The following CSMD1 variants were observed in gnomAD, a reference collection of about 807,000 sequenced individuals.
The protein encoded by CSMD1 is CUB and sushi domain-containing protein 1.
A neutral mutation model predicts 417.5 loss-of-function variants in CSMD1; 213 were observed. The ratio of observed to expected loss-of-function variants is 0.51; its 90% CI spans 0.46 to 0.57. The LOEUF (loss-of-function observed/expected upper bound fraction) is 0.57, where lower values mean the gene tolerates loss of function less well. CSMD1 is among the 20% of genes least tolerant of loss of function. The probability of loss-of-function intolerance (pLI) is 0.00; values close to 1 mark genes in which losing one functional copy is unlikely to be tolerated. For missense variants in CSMD1, 6,923 were observed against 4,529.7 expected (o/e 1.53, Z -15.17); for synonymous variants, 2,862 against 1,736.8 (o/e 1.65, Z -16.11).
intron 50 of CSMD1, among the ~76,000 whole-genome samples, chr8:3,033,807 C>T (rs1401321319): frequency 1.3e-5 from 2 of 152,044 alleles, no homozygotes; most frequent in African/African-American, 2.4e-5. Flanking sequence ...AATAAATAAA[C>T]AAATTTGGCT....
chr8:3,804,885 TG>T (rs2129074130), intron 5 of CSMD1, among the ~76,000 whole-genome samples: 1 of 152,212 alleles, frequency 6.6e-6, no homozygotes, highest in African/African-American at 2.4e-5. Flanking sequence ...AAAAGTAGCA[TG>T]GATTAGTGAA....
At chr8:3,534,415 C>T (rs1021206343) in intron 10 of CSMD1, among the ~76,000 whole-genome samples, 4 of 151,468 alleles carry the variant, frequency 2.6e-5, no homozygotes, top group African/African-American at 9.7e-5. Flanking sequence ...TTGATCTTCT[C>T]TCCTTTGTTT....
chr8:3,920,572 T>G (rs1376665274), intron 5 of CSMD1, among the ~76,000 whole-genome samples: 1 of 152,166 alleles, frequency 6.6e-6, no homozygotes, highest in African/African-American at 2.4e-5. Flanking sequence ...TAAAGAGAAA[T>G]GCTTTCAGCT....
intron 3 of CSMD1, among the ~76,000 whole-genome samples, chr8:4,037,150 C>A (rs1332815554): frequency 1.3e-5 from 2 of 152,186 alleles, no homozygotes; most frequent in Admixed American, 6.5e-5. Flanking sequence ...GAATGTAGAG[C>A]TCACATGTGT....
chr8:3,956,696 T>C (rs1046158570), intron 5 of CSMD1, among the ~76,000 whole-genome samples: 1 of 152,162 alleles, frequency 6.6e-6, no homozygotes, highest in Non-Finnish European at 1.5e-5. Context: ...TGGCAGAACC[T>C]ATATTTGAAA....
chr8:3,288,109 C>T lies in CSMD1; in HGVS notation c.3951-3763G>A, dbSNP rs1418256929. 6.1e-5 allele frequency among the ~76,000 whole-genome samples: 9 copies of T among 146,974 alleles called. 2 individuals are homozygous for T. The highest frequency in any genetic ancestry group is 1.4e-4 in the African/African-American group (5 of 36,890). Reference sequence around the variant, plus strand: ...TGTTTATATGCTGGATTACATTTATCGATTTTCATTTGTTGAACAAGCCAT... The same window carrying T: ...TGTTTATATGCTGGATTACATTTATTGATTTTCATTTGTTGAACAAGCCAT... On this transcript the variant is annotated intron_variant, in intron 25 of 69. Transcript: ENST00000635120.
chr8:4,471,728 C>T (rs1227281062), intron 2 of CSMD1, among the ~76,000 whole-genome samples: 2 of 131,712 alleles, frequency 1.5e-5, no homozygotes, highest in South Asian at 2.5e-4. Context: ...ATGCAGCAAA[C>T]ACGCGGAGAA....
intron 3 of CSMD1, among the ~76,000 whole-genome samples, chr8:4,160,192 T>A (rs545960638): frequency 5.3e-5 from 8 of 152,182 alleles, no homozygotes; most frequent in Non-Finnish European, 1.2e-4. Context: ...GGGAAGTATT[T>A]GTCTTTTATA....
chr8:3,752,676 CAAAAA>C (rs200769696), intron 6 of CSMD1, among the ~76,000 whole-genome samples: 3 of 96,986 alleles, frequency 3.1e-5, no homozygotes, highest in South Asian at 3.9e-4. Flanking sequence ...CCCCGCCTGG[CAAAAA>C]AAAAAAAAAA....
chr8:3,142,393 T>A, intron 41 of CSMD1, 72 bp downstream of exon 41: 1 of 1,306,974 alleles, frequency 7.7e-7, no homozygotes, highest in Non-Finnish European at 1.1e-6. Flanking sequence ...TAGGGAGATT[T>A]ATACTTAAAT....
rs1809511975 is a variant in CSMD1, at chr8:4,961,850, AT to A, written c.85+32481del. Among the ~76,000 whole-genome samples, 7 of 151,542 alleles carry A rather than the reference AT, an allele frequency of 4.6e-5. No individual in the cohort carries two copies. In the South Asian group the frequency reaches 1.5e-3, roughly 32 times the overall value. ...GTTATTTCCTGTTGTCCACGTCTTG[AT>A]TTCACTTTAAATTTTCATCATTTTC... is the stretch of plus-strand genomic sequence containing the variant. On this transcript the variant is annotated intron_variant, in intron 1 of 69. Transcript: ENST00000635120.
chr8:3,931,807 G>A (rs975681725), intron 5 of CSMD1, among the ~76,000 whole-genome samples: 1 of 148,248 alleles, frequency 6.7e-6, no homozygotes, highest in African/African-American at 2.5e-5. Context: ...AGTGGGCAAT[G>A]GGACTTCCTA....
intron 3 of CSMD1, among the ~76,000 whole-genome samples, chr8:4,190,128 A>C (rs1647309): frequency 6.6e-6 from 1 of 151,222 alleles, no homozygotes; most frequent in Non-Finnish European, 1.5e-5. Flanking sequence ...GCGTGGTGGC[A>C]GGTGCCTGTG....
chr8:4,154,684 T>C (rs541814752), intron 3 of CSMD1, among the ~76,000 whole-genome samples: 1 of 152,212 alleles, frequency 6.6e-6, no homozygotes, highest in African/African-American at 2.4e-5. Context: ...CTGAGAATTC[T>C]CATTAAAAAC....
intron 3 of CSMD1, among the ~76,000 whole-genome samples, chr8:4,406,203 T>A (rs1245020785): frequency 6.6e-6 from 1 of 152,162 alleles, no homozygotes; most frequent in Admixed American, 6.5e-5. Flanking sequence ...GGCACCGCAT[T>A]CTACTGTAAT....
intron 5 of CSMD1, among the ~76,000 whole-genome samples, chr8:3,910,602 C>T (rs1808400965): frequency 6.6e-6 from 1 of 152,128 alleles, no homozygotes. Context: ...TCTAACACAG[C>T]AAAAGACAGA....
In CSMD1 at chr8:3,219,283, G is replaced by T; in HGVS notation, c.4644C>A (p.Gly1548=). The T allele has an allele frequency of 2.5e-6, 4 of 1,594,504 alleles. No individual in the cohort carries two copies. The highest frequency in any genetic ancestry group is 1.1e-5 in the South Asian group (1 of 87,968). ...FLAFRSDASV[G]LSGFAIEFKE... is the part of the protein sequence containing the mutation. Reference sequence around the variant, plus strand: ...TAAATTCAATGGCGAACCCTGAAAGGCCCACGGAGGCATCACTCCGAAATG... The same window carrying T: ...TAAATTCAATGGCGAACCCTGAAAGTCCCACGGAGGCATCACTCCGAAATG... Residue 1548 remains glycine (G), a synonymous_variant, in exon 29 of 70, where the codon GGC becomes GGA. Transcript: ENST00000635120.
Position 4,482,575 on chromosome 8 carries a change from T to C in CSMD1, c.303-62510A>G, listed in dbSNP as rs6981726. Among the ~76,000 whole-genome samples the C allele has an allele frequency of 4.6e-3, 705 of 152,352 alleles. 5 individuals carry two copies. Among genetic ancestry groups the C allele is most frequent in the African/African-American group, 0.016 (666 of 41,582 alleles). On this transcript the variant is annotated intron_variant, in intron 2 of 69. Transcript: ENST00000635120. ...GAACACACATGTGCACGTGTCTTTG[T>C]GGTAGAATGTTTTATATTCCTTTGG...
chr8:4,326,298 G>A (rs1799560046), intron 3 of CSMD1, among the ~76,000 whole-genome samples: 1 of 152,294 alleles, frequency 6.6e-6, no homozygotes, highest in Non-Finnish European at 1.5e-5. Flanking sequence ...ACATAGCAAG[G>A]ACAGCGGATA....
Sources: gnomAD v4.1 joint callset for allele counts (sites outside exome capture counted in the v4.1 genomes callset) on GRCh38, gnomAD v4.1.1 for gene constraint, MANE v1.5 for transcripts, NCBI Gene and HGNC (gene_info 2026-07-23, HGNC 2026-07-21) for gene names.